MTSS2: variants seen among roughly 807,000 people sequenced by gnomAD.
The protein encoded by MTSS2 is protein MTSS 2.
MTSS2 carries 27 observed loss-of-function variants against 67.1 expected under a neutral mutation model. That is an observed-to-expected ratio of 0.40 (90% CI 0.30 to 0.55). The LOEUF is 0.55. Ranked by LOEUF, MTSS2 falls within the 20% of genes least tolerant of loss-of-function variation. The pLI is 0.43. For synonymous variants in MTSS2, 624 were observed against 468.6 expected (o/e 1.33, Z -4.28); for missense variants, 1,171 against 1,067.8 (o/e 1.10, Z -1.35).
In MTSS2 at chr16:70,661,209, A is replaced by G. The variant is rs1020961560; in HGVS notation, c.*2468T>C. The G allele has an allele frequency of 2.2e-6, 1 of 450,720 alleles. No homozygotes were observed. Among genetic ancestry groups the G allele is most frequent in the Non-Finnish European group, 4.5e-6 (1 of 224,078 alleles). The allele number at this position is 450,720 out of a possible 1,614,324, so 27.9% of individuals were successfully genotyped here. A position where few individuals can be genotyped will look rare whatever the true frequency, so the allele number is the denominator to read the frequency against. On this transcript the variant is annotated 3_prime_UTR_variant, in exon 15 of 15. Coordinates refer to ENST00000338779, the MANE Select transcript of MTSS2 (RefSeq NM_138383.3). ...CAGCCAGGCAGAGGCAGGGGTGTTA[A>G]TTACAGTACACCTTTATTAATACTG...
At chr16:70,677,005 C>A in intron 9 of MTSS2, 27 bp from the exon 10 acceptor site, 1 of 1,579,240 alleles carries the variant, frequency 6.3e-7, no homozygotes, top group Non-Finnish European at 8.7e-7. Context: ...ATGGGGGTCA[C>A]TGGAGGCAGC....
At chr16:70,670,336 G>GT (rs2052886157) in intron 11 of MTSS2, among the ~76,000 whole-genome samples, 1 of 152,144 alleles carries the variant, frequency 6.6e-6, no homozygotes, top group Non-Finnish European at 1.5e-5. Context: ...GGGTAAATTG[G>GT]TATGAGCACT....
chr16:70,664,826 G>A (rs978692878), intron 13 of MTSS2, 63 bp from the exon 14 acceptor site: 2 of 1,532,048 alleles, frequency 1.3e-6, no homozygotes, highest in Non-Finnish European at 1.8e-6. Flanking sequence ...CAAATTCCAG[G>A]CAGCCCTGCC....
chr16:70,665,204 C>T (rs1267086606), intron 12 of MTSS2, 108 bp from the exon 13 acceptor site: 2 of 1,302,282 alleles, frequency 1.5e-6, no homozygotes, highest in Admixed American at 5.2e-5. Flanking sequence ...ATCAGGGGGT[C>T]TCTGGTTCGC....
chr16:70,663,397 A>C lies in MTSS2; in HGVS notation c.*280T>G. The C allele has an allele frequency of 1.5e-5, 7 of 462,876 alleles. No homozygotes were observed. Among genetic ancestry groups the C allele is most frequent in the Admixed American group, 4.1e-5 (1 of 24,534 alleles). The allele number at this position is 462,876 out of a possible 1,614,324, so 28.7% of individuals were successfully genotyped here. ...TGGCTCTGGTGCTTATGGGTAGGGA[A>C]GAGGCAGGGCCCCAGAGGAGGAAGA... On this transcript the variant is annotated 3_prime_UTR_variant, in exon 15 of 15. Transcript: ENST00000338779.
intron 1 of MTSS2, among the ~76,000 whole-genome samples, chr16:70,683,982 T>G (rs1226706691): frequency 6.6e-6 from 1 of 152,218 alleles, no homozygotes; most frequent in Non-Finnish European, 1.5e-5. Context: ...TGCCTCCACA[T>G]GTCAGCAAAT....
chr16:70,677,908 G>T lies in MTSS2; in HGVS notation c.625-9C>A. ...ATGGTCAGCTCTCCATTCTGAGGAA[G>T]CAGCGAGTCAGACCTGCTGGCCCTA... On this transcript the variant is annotated splice_polypyrimidine_tract_variant and intron_variant, in intron 8 of 14. Transcript: ENST00000338779. 1 of 1,585,514 alleles carries T rather than the reference G, an allele frequency of 6.3e-7. No individual in the cohort carries two copies. The highest frequency in any genetic ancestry group is 1.2e-5 in the South Asian group (1 of 86,520).
In MTSS2 at chr16:70,679,885, G is replaced by A. The variant is rs764101981; in HGVS notation, c.291-8C>T. Reference sequence around the variant, plus strand: ...AGGCTCTCCAGCAGTGCGCTGCGGAGGGCGGGCGGGAGCGCAGGTCAGGGC... The same window carrying A: ...AGGCTCTCCAGCAGTGCGCTGCGGAAGGCGGGCGGGAGCGCAGGTCAGGGC... On this transcript the variant is annotated splice_polypyrimidine_tract_variant and splice_region_variant and intron_variant, in intron 4 of 14. Coordinates refer to ENST00000338779, the MANE Select transcript of MTSS2 (RefSeq NM_138383.3). 3.1e-6 allele frequency: 5 copies of A among 1,592,060 alleles called. No individual in the cohort carries two copies. The South Asian group carries it at 3.3e-5, about 11-fold the overall frequency.
chr16:70,672,762 T>C (rs2052986141), intron 11 of MTSS2, among the ~76,000 whole-genome samples: 1 of 144,522 alleles, frequency 6.9e-6, no homozygotes. Context: ...AACAAGGAGA[T>C]AGAAAATATG....
At chr16:70,665,679 C>G (rs1275510832) in intron 11 of MTSS2, 139 bp from the exon 12 acceptor site, 1 of 685,074 alleles carries the variant, frequency 1.5e-6, no homozygotes, top group East Asian at 2.8e-5. Context: ...CACCCACCCC[C>G]CCTACCCCAG....
chr16:70,680,908 C>CGGGGGGGG, intron 2 of MTSS2, 41 bp from the exon 3 acceptor site: 1 of 1,174,318 alleles, frequency 8.5e-7, no homozygotes, highest in Non-Finnish European at 1.2e-6. Flanking sequence ...GGTGGTTGGG[C>CGGGGGGGG]GGGGGGGGGG....
chr16:70,677,699 G>T, intron 9 of MTSS2, 93 bp downstream of exon 9: 2 of 980,748 alleles, frequency 2.0e-6, no homozygotes, highest in Non-Finnish European at 1.5e-6. Flanking sequence ...TCCCCCAAAT[G>T]CCATCCTCTT....
chr16:70,664,538 G>A (rs1043159198), intron 14 of MTSS2, 60 bp downstream of exon 14: 3 of 1,586,128 alleles, frequency 1.9e-6, no homozygotes, highest in African/African-American at 1.3e-5. Flanking sequence ...GAAGGACGGG[G>A]CCCTCCTGGA....
In MTSS2 at chr16:70,663,763, C is replaced by T; in HGVS notation, c.2158G>A (p.Ala720Thr). The T allele has an allele frequency of 6.5e-7, 1 of 1,540,490 alleles. No homozygotes were observed. The highest frequency in any genetic ancestry group is 8.7e-7 in the Non-Finnish European group (1 of 1,146,084). ...CGGATGGCCACCAGCATGTCTTCGG[C>T]CGGGGGGTCGCTGGTGGCGGCTGGG... is the stretch of plus-strand genomic sequence containing the variant. ...PPPAATSDPP[A>T]EDMLVAIRRG... is the part of the protein sequence containing the mutation. The change falls in exon 15 of 15, where the codon GCC becomes ACC. Residue 720 changes from alanine to threonine, a missense_variant. Ala to Thr is a moderately conservative substitution (Grantham distance 58). This residue lies in a region of MTSS2 where 924 missense variants were observed against 756.0 expected (regional missense o/e 1.22). Coordinates refer to ENST00000338779, the MANE Select transcript of MTSS2 (RefSeq NM_138383.3).
intron 11 of MTSS2, among the ~76,000 whole-genome samples, chr16:70,671,422 T>C (rs902234509): frequency 6.6e-6 from 1 of 151,110 alleles, no homozygotes; most frequent in Admixed American, 6.6e-5. Context: ...AAAAAGTTCC[T>C]GAAAGACTCA....
chr16:70,662,216 C>A lies in MTSS2; in HGVS notation c.*1461G>T, dbSNP rs1274741855. On this transcript the variant is annotated 3_prime_UTR_variant, in exon 15 of 15. Coordinates refer to ENST00000338779, the MANE Select transcript of MTSS2 (RefSeq NM_138383.3). The stretch of plus-strand genomic sequence containing the variant: ...TCAATCAATCAATCAATCATCAAGA[C>A]CAAGGTGCTCCTGACCCCCAGGTAG... 1.3e-5 allele frequency: 2 copies of A among 152,186 alleles called. No homozygotes were observed. Among genetic ancestry groups the A allele is most frequent in the Admixed American group, 6.5e-5 (1 of 15,284 alleles). 9.4% of individuals were successfully genotyped at this position (152,186 alleles called of 1,614,324 possible).
At chr16:70,681,579 C>T (rs1327789182) in intron 1 of MTSS2, among the ~76,000 whole-genome samples, 1 of 152,230 alleles carries the variant, frequency 6.6e-6, no homozygotes, top group African/African-American at 2.4e-5. Flanking sequence ...AGCAGTGGCT[C>T]CCAGGGCCGA....
chr16:70,680,932 C>T (rs1415313366), intron 2 of MTSS2, 32 bp downstream of exon 2: 24 of 1,582,266 alleles, frequency 1.5e-5, no homozygotes, highest in African/African-American at 1.2e-4. Flanking sequence ...CTGCCTGCCC[C>T]TCCCCTGCTG....
Position 70,664,192 on chromosome 16 carries a change from C to T in MTSS2, c.1729G>A (p.Ala577Thr), listed in dbSNP as rs145921767. 7.0e-5 allele frequency: 112 copies of T among 1,597,522 alleles called. No homozygotes were observed. In the African/African-American group the frequency reaches 1.0e-3, roughly 15 times the overall value. ...TPSTKPTVRR[A>T]LSSAGPIPIR... ...GGGATGGGGCCAGCGCTGGACAGGGCGCGGCGCACGGTGGGCTTGGTGGAG... is the reference window on the plus strand; with the variant it reads ...GGGATGGGGCCAGCGCTGGACAGGGTGCGGCGCACGGTGGGCTTGGTGGAG... Residue 577 changes from alanine (A) to threonine (T), a missense_variant, in exon 15 of 15, where the codon GCC becomes ACC. By Grantham distance (58) the Ala-to-Thr change is moderately conservative. Around this residue, in one of 2 missense-constraint regions of MTSS2, gnomAD observed 924 missense variants for 756.0 expected, o/e 1.22. Transcript: ENST00000338779.
Sources: allele counts gnomAD v4.1 joint callset (sites outside exome capture counted in the v4.1 genomes callset), GRCh38; gene constraint gnomAD v4.1.1; regional missense constraint gnomAD v4.1.1; transcripts MANE v1.5; gene names NCBI Gene and HGNC (gene_info 2026-07-23, HGNC 2026-07-21).